Variants in HTR4 observed in about 807,000 individuals in gnomAD.
HTR4 encodes the protein 5-hydroxytryptamine (serotonin) receptor 4, G protein-coupled.
In HTR4, 16 loss-of-function variants were observed where a neutral mutation model predicts 36.8. The observed-to-expected ratio is 0.43, with a 90% CI of 0.29 to 0.66. The LOEUF (loss-of-function observed/expected upper bound fraction) is 0.66. Ranked by LOEUF, HTR4 falls within the 30% of genes least tolerant of loss-of-function variation. The pLI is 0.13. For synonymous variants in HTR4, 189 were observed against 185.1 expected (o/e 1.02, Z -0.17); for missense variants, 438 against 490.9 (o/e 0.89, Z 1.02).
chr5:148,466,483 C>T (rs946058704), intron 5 of HTR4, among the ~76,000 whole-genome samples: 1 of 152,074 alleles, frequency 6.6e-6, no homozygotes, highest in Admixed American at 6.6e-5. Flanking sequence ...AATTACAGAC[C>T]TTTTGGGGAA....
chr5:148,489,583 C>CA (rs1038240014), intron 6 of HTR4, among the ~76,000 whole-genome samples: 4 of 152,084 alleles, frequency 2.6e-5, no homozygotes, highest in Non-Finnish European at 4.4e-5. Context: ...TGGAACTGTG[C>CA]CTAGAAGAAT....
At chr5:148,502,347 G>A (rs1322281764) in intron 6 of HTR4, among the ~76,000 whole-genome samples, 4 of 152,168 alleles carry the variant, frequency 2.6e-5, no homozygotes, top group East Asian at 1.9e-4. Flanking sequence ...AGCAATACTC[G>A]CTATTCTGCA....
At chr5:148,520,813 A>G in intron 5 of HTR4, 1 of 1,255,744 alleles carries the variant, frequency 8.0e-7, no homozygotes, top group South Asian at 1.2e-5. Flanking sequence ...TGACAGTTTA[A>G]AATAAATTGG....
intron 6 of HTR4, among the ~76,000 whole-genome samples, chr5:148,498,931 T>C (rs1460238580): frequency 1.3e-5 from 2 of 152,212 alleles, no homozygotes; most frequent in Admixed American, 6.5e-5. Flanking sequence ...CCATGGTTTG[T>C]AGGCAAACTA....
At chr5:148,595,180 G>T (rs1266235508) in intron 2 of HTR4, among the ~76,000 whole-genome samples, 2 of 151,594 alleles carry the variant, frequency 1.3e-5, no homozygotes, top group Admixed American at 6.6e-5. Context: ...AGACAGAAAA[G>T]ACATGTATTA....
downstream of HTR4, chr5:148,476,577 G>T (rs1755703262): frequency 6.9e-7 from 1 of 1,439,180 alleles, no homozygotes; most frequent in Non-Finnish European, 9.1e-7. Flanking sequence ...AAGGGGCAAA[G>T]TGGGCTGGTA....
chr5:148,516,143 T>A (rs1229840549), intron 5 of HTR4, among the ~76,000 whole-genome samples: 1 of 151,588 alleles, frequency 6.6e-6, no homozygotes, highest in Non-Finnish European at 1.5e-5. Flanking sequence ...GGTTATGGTA[T>A]AACATCCTCT....
At chr5:148,601,215 A>G (rs1485915114) in intron 2 of HTR4, among the ~76,000 whole-genome samples, 2 of 152,094 alleles carry the variant, frequency 1.3e-5, no homozygotes, top group African/African-American at 4.8e-5. Context: ...TATGGAGAAA[A>G]GGAACCCCTA....
intron 2 of HTR4, among the ~76,000 whole-genome samples, chr5:148,570,495 G>A (rs1396630932): frequency 6.6e-6 from 1 of 152,094 alleles, no homozygotes. Flanking sequence ...AACTTAAAGA[G>A]GAATAGAAGT....
Position 148,526,945 on chromosome 5 carries a change from A to C in HTR4, c.354-3599T>G, listed in dbSNP as rs999123828. Among the ~76,000 whole-genome samples the C allele has an allele frequency of 2.6e-5, 4 of 152,138 alleles. No individual in the cohort carries two copies. In the South Asian group the frequency reaches 8.3e-4, roughly 32 times the overall value. On this transcript the variant is annotated intron_variant, in intron 4 of 6. Transcript: ENST00000377888. ...AAAAATACAATTAGATAGTGGGAAT[A>C]AGATCTAGTGTTTGGGCAGCACAAG...
At chr5:148,499,589 T>C (rs976851403) in intron 6 of HTR4, among the ~76,000 whole-genome samples, 16 of 152,180 alleles carry the variant, frequency 1.1e-4, no homozygotes, top group African/African-American at 3.9e-4. Flanking sequence ...ACAGAAAAAG[T>C]GTCTTGATTT....
rs554407025 is a variant in HTR4, at chr5:148,484,389, A to G, written c.1077-1096T>C. 1.4e-5 allele frequency: 22 copies of G among 1,608,256 alleles called. No homozygotes were observed. In the African/African-American group the frequency reaches 2.5e-4, roughly 19 times the overall value. On this transcript the variant is annotated intron_variant, in intron 6 of 6. Transcript: ENST00000377888. ...AAACAGAAAATCTGTCCTAGCAGATAAAGAAATTATTTGGCATGAATTATT... is the reference window on the plus strand; with the variant it reads ...AAACAGAAAATCTGTCCTAGCAGATGAAGAAATTATTTGGCATGAATTATT...
intron 5 of HTR4, among the ~76,000 whole-genome samples, chr5:148,519,537 GTCA>G (rs1295904783): frequency 2.6e-5 from 4 of 152,104 alleles, no homozygotes; most frequent in Non-Finnish European, 4.4e-5. Flanking sequence ...TATATAGCTG[GTCA>G]TCATTAGGCA....
chr5:148,644,147 A>G (rs1345211111), intron 1 of HTR4, among the ~76,000 whole-genome samples: 3 of 152,048 alleles, frequency 2.0e-5, no homozygotes, highest in Non-Finnish European at 2.9e-5. Context: ...TTCAGGGACC[A>G]CTCTTTGAGA....
intron 2 of HTR4, among the ~76,000 whole-genome samples, chr5:148,597,605 A>G (rs1190485856): frequency 6.6e-6 from 1 of 152,144 alleles, no homozygotes; most frequent in African/African-American, 2.4e-5. Context: ...CTCCTAAAGC[A>G]GGGCCTTTGC....
intron 6 of HTR4, among the ~76,000 whole-genome samples, chr5:148,484,979 A>C (rs1482762207): frequency 1.3e-5 from 2 of 152,156 alleles, no homozygotes; most frequent in Non-Finnish European, 2.9e-5. Flanking sequence ...GAAGGAATGA[A>C]GGTTAAAAAG....
At chr5:148,489,749 G>A (rs1231052777) in intron 6 of HTR4, among the ~76,000 whole-genome samples, 3 of 152,144 alleles carry the variant, frequency 2.0e-5, no homozygotes, top group African/African-American at 4.8e-5. Flanking sequence ...CTGCAGCGGG[G>A]AGAGTTGAGG....
At position 148,539,338 on chromosome 5, in the gene HTR4, C is replaced by G. The variant is rs184359766; in HGVS notation, c.353+9330G>C. On this transcript the variant is annotated intron_variant, in intron 4 of 6. Transcript: ENST00000377888. ...AGGCAAAGATTTCATTACGAAGACA[C>G]CAAAAGCAATCACAACAAAAGCAAA... Among the ~76,000 whole-genome samples the G allele has an allele frequency of 8.0e-4, 122 of 152,222 alleles. 2 individuals carry two copies. The highest frequency in any genetic ancestry group is 2.1e-3 in the African/African-American group (89 of 41,534).
chr5:148,458,837 G>T (rs926558295), intron 5 of HTR4, among the ~76,000 whole-genome samples: 6 of 152,154 alleles, frequency 3.9e-5, no homozygotes, highest in Non-Finnish European at 8.8e-5. Context: ...GAGCAGGGGA[G>T]GTTCCTGAAG....
Sources: gnomAD v4.1 joint callset for allele counts (sites outside exome capture counted in the v4.1 genomes callset) on GRCh38, gnomAD v4.1.1 for gene constraint, MANE v1.5 for transcripts, NCBI Gene and HGNC (gene_info 2026-07-23, HGNC 2026-07-21) for gene names.